CSMD3: variants seen among roughly 807,000 people sequenced by gnomAD.
CSMD3 encodes CUB and sushi domain-containing protein 3.
A neutral mutation model predicts 435.2 loss-of-function variants in CSMD3; 177 were observed. That is an observed-to-expected ratio of 0.41 (90% CI 0.36 to 0.46). CSMD3 has a LOEUF of 0.46. Ranked by LOEUF, CSMD3 falls within the 20% of genes least tolerant of loss-of-function variation. The pLI is 0.34. For missense variants in CSMD3, 4,265 were observed against 4,504.6 expected, an observed-to-expected ratio of 0.95 and a Z score of 1.52; for synonymous variants, 1,656 against 1,520.5, an observed-to-expected ratio of 1.09 and a Z score of -2.07.
intron 10 of CSMD3, among the ~76,000 whole-genome samples, chr8:112,896,299 T>C (rs1446084553): frequency 1.3e-5 from 2 of 151,404 alleles, no homozygotes; most frequent in Non-Finnish European, 3.0e-5. Flanking sequence ...TAAGAGAAAC[T>C]TGAGACGATT....
At chr8:112,402,389 C>T (rs1370181733) in intron 35 of CSMD3, among the ~76,000 whole-genome samples, 1 of 152,134 alleles carries the variant, frequency 6.6e-6, no homozygotes, top group Non-Finnish European at 1.5e-5. Flanking sequence ...CAAACAGAAC[C>T]TTTAAGGATT....
intron 4 of CSMD3, among the ~76,000 whole-genome samples, chr8:113,163,932 T>C (rs1022092632): frequency 3.3e-5 from 5 of 152,024 alleles, no homozygotes; most frequent in African/African-American, 9.6e-5. Flanking sequence ...ATTACTAATA[T>C]TGTAGATAAT....
chr8:113,205,044 C>T (rs547430512), intron 3 of CSMD3, among the ~76,000 whole-genome samples: 94 of 151,388 alleles, frequency 6.2e-4, no homozygotes, highest in Non-Finnish European at 1.0e-3. Context: ...AGTGCAGTGG[C>T]GTGATTTCGG....
At chr8:113,010,499 G>C (rs931273237) in intron 6 of CSMD3, among the ~76,000 whole-genome samples, 3 of 151,588 alleles carry the variant, frequency 2.0e-5, no homozygotes, top group African/African-American at 7.3e-5. Flanking sequence ...TACTACATTT[G>C]AACCTAGTTT....
intron 10 of CSMD3, among the ~76,000 whole-genome samples, 181 bp from the exon 11 acceptor site, chr8:112,859,447 C>A (rs1490366797): frequency 6.6e-6 from 1 of 151,740 alleles, no homozygotes; most frequent in Admixed American, 6.6e-5. Context: ...CTGGGATTCA[C>A]AAGCTCGATA....
chr8:113,111,278 T>C (rs1258369433), intron 4 of CSMD3, among the ~76,000 whole-genome samples: 1 of 152,210 alleles, frequency 6.6e-6, no homozygotes, highest in Non-Finnish European at 1.5e-5. Flanking sequence ...TGTTTTATAA[T>C]ATGTTTACTA....
chr8:112,551,393 A>T (rs569541128), intron 26 of CSMD3, among the ~76,000 whole-genome samples: 1 of 152,088 alleles, frequency 6.6e-6, no homozygotes, highest in Non-Finnish European at 1.5e-5. Context: ...GTTTCATGTT[A>T]AATCTATTCT....
At chr8:112,864,144 A>G (rs1417669665) in intron 10 of CSMD3, among the ~76,000 whole-genome samples, 6 of 152,216 alleles carry the variant, frequency 3.9e-5, no homozygotes, top group African/African-American at 1.4e-4. Context: ...TTTATCTAAC[A>G]CAATATGCTG....
rs1186266936 is a variant in CSMD3 at position 112,559,697 on chromosome 8, G to A, written c.4043-2743C>T. Among the ~76,000 whole-genome samples the A allele has an allele frequency of 2.6e-5, 4 of 151,794 alleles. No individual in the cohort carries two copies. In the Admixed American group the frequency reaches 2.6e-4, roughly 10 times the overall value. On this transcript the variant is annotated intron_variant, in intron 24 of 70. Coordinates refer to ENST00000297405, the MANE Select transcript of CSMD3 (RefSeq NM_198123.2). ...TAAGATTCTGAAGGAACTGGAAAAG[G>A]ACACTTCAAAAGATAAACCAAACCT...
intron 61 of CSMD3, among the ~76,000 whole-genome samples, chr8:112,256,118 T>C (rs1319179583): frequency 6.6e-6 from 1 of 152,154 alleles, no homozygotes; most frequent in East Asian, 1.9e-4. Context: ...AACTTACATT[T>C]ATTAATTACT....
intron 24 of CSMD3, among the ~76,000 whole-genome samples, chr8:112,560,664 T>C (rs16883817): frequency 0.016 from 2,429 of 151,778 alleles, 73 homozygotes; most frequent in African/African-American, 0.055. Context: ...TCATGACATA[T>C]ATAATGAAAT....
intron 6 of CSMD3, among the ~76,000 whole-genome samples, chr8:112,985,550 C>T (rs546115851): frequency 6.6e-6 from 1 of 152,254 alleles, no homozygotes; most frequent in African/African-American, 2.4e-5. Context: ...CACCAACCCC[C>T]AGGCCACGGA....
Position 113,126,398 on chromosome 8 carries a change from T to A in CSMD3, c.710-27435A>T, listed in dbSNP as rs568174572. On this transcript the variant is annotated intron_variant, in intron 4 of 70. Coordinates refer to ENST00000297405, the MANE Select transcript of CSMD3 (RefSeq NM_198123.2). Reference sequence around the variant, plus strand: ...ATGGGCACATACATATATCAAAAAATATATATATGTGAAAATTATATTGAT... The same window carrying A: ...ATGGGCACATACATATATCAAAAAAAATATATATGTGAAAATTATATTGAT... Among the ~76,000 whole-genome samples, 6 of 152,020 alleles carry A rather than the reference T, an allele frequency of 3.9e-5. No homozygotes were observed. The East Asian group carries it at 1.2e-3, about 29-fold the overall frequency.
chr8:113,100,069 T>C lies in CSMD3; in HGVS notation c.710-1106A>G, dbSNP rs574464395. Among the ~76,000 whole-genome samples, 4 of 152,200 alleles carry C rather than the reference T, an allele frequency of 2.6e-5. No individual in the cohort carries two copies. In the East Asian group the frequency reaches 7.7e-4, roughly 29 times the overall value. ...ATGATGGGTAGAACATAAAAAAAAT[T>C]GCTTTGTTATTAGAGACAACTTTAT... On this transcript the variant is annotated intron_variant, in intron 4 of 70. Coordinates refer to ENST00000297405, the MANE Select transcript of CSMD3 (RefSeq NM_198123.2).
intron 4 of CSMD3, among the ~76,000 whole-genome samples, chr8:113,141,954 T>C (rs767983775): frequency 9.9e-5 from 15 of 150,980 alleles, no homozygotes; most frequent in Non-Finnish European, 1.9e-4. Context: ...AATAAAGAAA[T>C]CAAGTATATT....
chr8:112,996,175 T>A lies in CSMD3; in HGVS notation c.1031-20027A>T, dbSNP rs78486844. Among the ~76,000 whole-genome samples the A allele has an allele frequency of 7.8e-3, 1,174 of 151,472 alleles. 18 individuals are homozygous for A. The highest frequency in any genetic ancestry group is 0.027 in the African/African-American group (1,125 of 41,452). ...AATGTAATACATAGATTATCTCTAG[T>A]CATTATGTTGTATAATACATCTCTT... On this transcript the variant is annotated intron_variant, in intron 6 of 70. Coordinates refer to ENST00000297405, the MANE Select transcript of CSMD3 (RefSeq NM_198123.2).
At chr8:112,982,949 T>C (rs2085108478) in intron 6 of CSMD3, among the ~76,000 whole-genome samples, 1 of 151,996 alleles carries the variant, frequency 6.6e-6, no homozygotes, top group South Asian at 2.1e-4. Context: ...TTATATTTCA[T>C]GTGCTAGAAT....
chr8:112,910,441 C>A (rs568999427), intron 10 of CSMD3, among the ~76,000 whole-genome samples: 24 of 151,868 alleles, frequency 1.6e-4, no homozygotes, highest in African/African-American at 2.7e-4. Flanking sequence ...GAGAATGATG[C>A]CTTCTTCCAT....
chr8:113,162,014 G>A (rs576763837), intron 4 of CSMD3, among the ~76,000 whole-genome samples: 18 of 151,930 alleles, frequency 1.2e-4, no homozygotes, highest in African/African-American at 3.9e-4. Flanking sequence ...CATCTTGAAA[G>A]GTCAAGAAAG....
Sources: gnomAD v4.1 joint callset for allele counts (sites outside exome capture counted in the v4.1 genomes callset) on GRCh38, gnomAD v4.1.1 for gene constraint, MANE v1.5 for transcripts, NCBI Gene and HGNC (gene_info 2026-07-23, HGNC 2026-07-21) for gene names.